MCC: variants seen among roughly 807,000 people sequenced by gnomAD.
MCC encodes colorectal mutant cancer protein.
In MCC, 90 loss-of-function variants were observed where a neutral mutation model predicts 116.2. That is an observed-to-expected ratio of 0.77 (90% CI 0.65 to 0.92). The LOEUF is 0.92. Ranked by LOEUF, MCC falls within the 40% of genes least tolerant of loss-of-function variation. MCC has a pLI of 0.00. For missense variants in MCC, 1,516 were observed against 1,312.2 expected (o/e 1.16, Z -2.40); for synonymous variants, 578 against 510.5 (o/e 1.13, Z -1.78).
intron 3 of MCC, among the ~76,000 whole-genome samples, chr5:113,292,787 CAA>C (rs1417475729): frequency 6.6e-6 from 1 of 152,148 alleles, no homozygotes; most frequent in Non-Finnish European, 1.5e-5. Flanking sequence ...AAGGGCCTGG[CAA>C]AGAGTCTCTG....
At chr5:113,255,068 G>A (rs1426120991) in intron 3 of MCC, among the ~76,000 whole-genome samples, 1 of 152,184 alleles carries the variant, frequency 6.6e-6, no homozygotes, top group Admixed American at 6.5e-5. Flanking sequence ...AGGAGGCTGA[G>A]GCAGAAAAAT....
At chr5:113,097,697 T>G (rs1756112569) in intron 8 of MCC, among the ~76,000 whole-genome samples, 1 of 152,150 alleles carries the variant, frequency 6.6e-6, no homozygotes, top group Non-Finnish European at 1.5e-5. Context: ...TGTCTCTTTA[T>G]TTAACCTCTG....
At position 113,318,432 on chromosome 5, in the gene MCC, T is replaced by C. The variant is rs151039251; in HGVS notation, c.627+22087A>G. On this transcript the variant is annotated intron_variant, in intron 3 of 18. Transcript: ENST00000408903. Reference sequence around the variant, plus strand: ...AATCTACTTAACATGATTCTCTAAATTGATGGATTTATACTTCAAAATGTT... The same window carrying C: ...AATCTACTTAACATGATTCTCTAAACTGATGGATTTATACTTCAAAATGTT... Among the ~76,000 whole-genome samples the C allele has an allele frequency of 8.3e-4, 127 of 152,286 alleles. 1 individual carries two copies. The highest frequency in any genetic ancestry group is 4.1e-3 in the Admixed American group (63 of 15,282).
At chr5:113,452,634 T>G (rs1771432771) in intron 1 of MCC, among the ~76,000 whole-genome samples, 1 of 152,242 alleles carries the variant, frequency 6.6e-6, no homozygotes, top group South Asian at 2.1e-4. Context: ...TGATTTATGG[T>G]ATTTTGTTAC....
intron 1 of MCC, among the ~76,000 whole-genome samples, chr5:113,426,297 G>C (rs1479267299): frequency 1.3e-5 from 2 of 152,088 alleles, no homozygotes; most frequent in Non-Finnish European, 2.9e-5. Context: ...AGAAACATGG[G>C]AGGCTTGACA....
At chr5:113,347,109 A>G (rs1220242846) in intron 2 of MCC, among the ~76,000 whole-genome samples, 1 of 152,192 alleles carries the variant, frequency 6.6e-6, no homozygotes, top group Non-Finnish European at 1.5e-5. Flanking sequence ...ATCTGAAAGA[A>G]AAGGATATTA....
In MCC at chr5:113,082,937, T is replaced by C; in HGVS notation, c.1707A>G (p.Gln569=). ...QDCSNIQEIF[Q]TLYSHGSAIS... ...TGGCAGATCCGTGTGAGTAGAGTGT[T>C]TGGAAAATCTCTTGGATATTGGAGC... The change falls in exon 11 of 19, where the codon CAA becomes CAG. Residue 569 remains glutamine (Q), a synonymous_variant. Coordinates refer to ENST00000408903, the MANE Select transcript of MCC (RefSeq NM_001085377.2). 2 of 1,614,146 alleles carry C rather than the reference T, an allele frequency of 1.2e-6. No homozygotes were observed. The highest frequency in any genetic ancestry group is 1.7e-6 in the Non-Finnish European group (2 of 1,180,026).
At chr5:113,282,573 C>T (rs1328723511) in intron 3 of MCC, among the ~76,000 whole-genome samples, 2 of 152,150 alleles carry the variant, frequency 1.3e-5, no homozygotes, top group African/African-American at 4.8e-5. Flanking sequence ...TTTAAATCTA[C>T]CTATTCTAAG....
intron 1 of MCC, among the ~76,000 whole-genome samples, chr5:113,388,216 A>G (rs1416701557): frequency 2.0e-5 from 3 of 152,242 alleles, no homozygotes; most frequent in Admixed American, 2.0e-4. Flanking sequence ...ATCAAAGCCA[A>G]AATACATTCA....
At chr5:113,056,515 CT>C (rs1462666265) in intron 14 of MCC, among the ~76,000 whole-genome samples, 1 of 152,086 alleles carries the variant, frequency 6.6e-6, no homozygotes, top group Non-Finnish European at 1.5e-5. Flanking sequence ...TAAGTTGGAG[CT>C]AAATGATGAG....
chr5:113,324,579 A>G (rs1767503652), intron 3 of MCC, among the ~76,000 whole-genome samples: 1 of 152,156 alleles, frequency 6.6e-6, no homozygotes, highest in Non-Finnish European at 1.5e-5. Context: ...TATTATAAAA[A>G]CCATAAATTC....
chr5:113,047,583 C>T (rs566879066), intron 16 of MCC, among the ~76,000 whole-genome samples: 7 of 152,284 alleles, frequency 4.6e-5, no homozygotes, highest in Admixed American at 3.3e-4. Flanking sequence ...CTCCTGGAGA[C>T]GATCCTGCAC....
intron 1 of MCC, among the ~76,000 whole-genome samples, chr5:113,426,846 A>C (rs1770498432): frequency 6.6e-6 from 1 of 152,196 alleles, no homozygotes; most frequent in African/African-American, 2.4e-5. Flanking sequence ...TCAGAAACTT[A>C]AAATTCACTC....
At chr5:113,295,006 G>A in intron 3 of MCC, 1 of 977,752 alleles carries the variant, frequency 1.0e-6, no homozygotes, top group South Asian at 4.7e-5. Flanking sequence ...GGCGGGGCTA[G>A]AGGGAGAAAA....
chr5:113,186,277 GAAAAC>G (rs975340396), intron 3 of MCC, among the ~76,000 whole-genome samples: 249 of 152,316 alleles, frequency 1.6e-3, no homozygotes, highest in African/African-American at 5.9e-3. Context: ...GCAGGAACTT[GAAAAC>G]ACAGTAAGTG....
intron 2 of MCC, among the ~76,000 whole-genome samples, chr5:113,343,792 T>C (rs927822677): frequency 6.6e-6 from 1 of 152,232 alleles, no homozygotes; most frequent in East Asian, 1.9e-4. Context: ...AAATAAATTA[T>C]ACATTTAAAC....
intron 3 of MCC, among the ~76,000 whole-genome samples, chr5:113,337,530 A>T (rs11740807): frequency 0.14 from 21,909 of 152,152 alleles, 2,110 homozygotes; most frequent in Non-Finnish European, 0.2. Flanking sequence ...CCTTGGGAAC[A>T]GCCTTAGGGG....
intron 17 of MCC, among the ~76,000 whole-genome samples, chr5:113,040,988 G>A (rs1440390184): frequency 6.6e-6 from 1 of 152,216 alleles, no homozygotes. Flanking sequence ...TGGAAATAGC[G>A]AGTGGGATTT....
At chr5:113,459,275 T>G (rs533950219) in intron 1 of MCC, among the ~76,000 whole-genome samples, 1 of 151,792 alleles carries the variant, frequency 6.6e-6, no homozygotes, top group Admixed American at 6.6e-5. Flanking sequence ...GGCTCACACC[T>G]GTAATCCCAG....
Sources: gnomAD v4.1 joint callset for allele counts (sites outside exome capture counted in the v4.1 genomes callset) on GRCh38, gnomAD v4.1.1 for gene constraint, MANE v1.5 for transcripts, NCBI Gene and HGNC (gene_info 2026-07-23, HGNC 2026-07-21) for gene names.